The following PYGL variants were observed in gnomAD, a reference collection of about 807,000 sequenced individuals.
PYGL encodes glycogen phosphorylase L.
Under a neutral mutation model 100.1 loss-of-function variants are expected in PYGL, and 90 were observed. The ratio of observed to expected loss-of-function variants is 0.90; its 90% CI spans 0.76 to 1.07. PYGL has a LOEUF of 1.07. Among genes scored for constraint, PYGL ranks in the 50% least tolerant of loss-of-function variants. PYGL has a pLI of 0.00. For synonymous variants in PYGL, 373 were observed against 393.0 expected (o/e 0.95, Z 0.60); for missense variants, 1,016 against 1,057.6 (o/e 0.96, Z 0.55).
rs992370779 is a variant in PYGL at position 50,913,079 on chromosome 14, T to C, written c.1570A>G (p.Ser524Gly). ...AGGAAGACATCATCACCCAGGAAGC[T>C]GTGGAGCTTCGTCAGCTGGCTCAGG... is the stretch of plus-strand genomic sequence containing the variant. ...KDLSQLTKLHSFLGDDVFLRE... is the reference protein window; with the variant it reads ...KDLSQLTKLHGFLGDDVFLRE... The change falls in exon 13 of 20, where the codon AGC becomes GGC. Residue 524 changes from serine (S) to glycine (G), a missense_variant. Transcript: ENST00000216392. The C allele has an allele frequency of 1.2e-6, 2 of 1,614,038 alleles. No homozygotes were observed. Among genetic ancestry groups the C allele is most frequent in the Admixed American group, 3.3e-5 (2 of 60,028 alleles).
chr14:50,911,652 T>C (rs776582543), intron 16 of PYGL, 78 bp downstream of exon 16: 44 of 1,555,624 alleles, frequency 2.8e-5, no homozygotes, highest in Non-Finnish European at 3.9e-5. Context: ...CTCCTGGAGG[T>C]TGGCTGCCCC....
intron 2 of PYGL, among the ~76,000 whole-genome samples, chr14:50,936,502 A>T (rs533592644): frequency 9.8e-5 from 15 of 152,340 alleles, no homozygotes; most frequent in Non-Finnish European, 1.9e-4. Context: ...TTAAATTCTA[A>T]AAACGTAAGT....
chr14:50,916,048 C>G, intron 9 of PYGL, 77 bp from the exon 10 acceptor site: 2 of 1,579,352 alleles, frequency 1.3e-6, no homozygotes, highest in Non-Finnish European at 1.7e-6. Context: ...TTCTTCAACC[C>G]TGCCCTGTCT....
intron 19 of PYGL, among the ~76,000 whole-genome samples, chr14:50,906,072 C>A (rs1040424298): frequency 7.9e-5 from 12 of 152,236 alleles, no homozygotes; most frequent in East Asian, 5.8e-4. Context: ...AAGATACGCA[C>A]CCTAGTAGGC....
chr14:50,915,619 G>A lies in PYGL; in HGVS notation c.1240-120C>T, dbSNP rs566805559. ...CTCAATATAAACTTCACTACCACAG[G>A]GAGGGGTTGAGTTAGCTCTATGGAG... On this transcript the variant is annotated intron_variant, in intron 10 of 19. Coordinates refer to ENST00000216392, the MANE Select transcript of PYGL (RefSeq NM_002863.5). The A allele has an allele frequency of 6.5e-4, 943 of 1,449,986 alleles. 7 individuals carry two copies. Among genetic ancestry groups the A allele is most frequent in the Middle Eastern group, 2.2e-3 (13 of 5,788 alleles). The allele number at this position is 1,449,986 out of a possible 1,614,324, so 89.8% of individuals were successfully genotyped here.
chr14:50,911,601 T>C (rs2050398141), intron 16 of PYGL, 129 bp downstream of exon 16: 2 of 1,243,358 alleles, frequency 1.6e-6, no homozygotes, highest in Non-Finnish European at 2.3e-6. Context: ...CGTAGGCCCT[T>C]ATTCTGCACA....
At chr14:50,941,132 G>A (rs10143053) in intron 1 of PYGL, among the ~76,000 whole-genome samples, 3 of 152,056 alleles carry the variant, frequency 2.0e-5, no homozygotes, top group African/African-American at 4.8e-5. Flanking sequence ...GGCAAGATGC[G>A]TTGCTTTAGG....
chr14:50,905,840 G>A (rs527645298), intron 19 of PYGL, among the ~76,000 whole-genome samples: 17 of 152,340 alleles, frequency 1.1e-4, no homozygotes, highest in African/African-American at 4.1e-4. Flanking sequence ...TGGTTACAAT[G>A]TTTTGGCATG....
rs1423681714 is a variant in PYGL, at chr14:50,905,345, G to A, written c.*47C>T. On this transcript the variant is annotated 3_prime_UTR_variant, in exon 20 of 20. Transcript: ENST00000216392. ...AAAAACCAGTGAATGTTGTAAAAAT[G>A]TTCAAGTTCAGTAAGAAGCTATGTT... 1 of 1,552,916 alleles carries A rather than the reference G, an allele frequency of 6.4e-7. No homozygotes were observed. Among genetic ancestry groups the A allele is most frequent in the Non-Finnish European group, 8.9e-7 (1 of 1,126,082 alleles).
chr14:50,932,608 AAC>A (rs1474489139), intron 3 of PYGL, among the ~76,000 whole-genome samples: 1 of 152,204 alleles, frequency 6.6e-6, no homozygotes, highest in Non-Finnish European at 1.5e-5. Flanking sequence ...GTTATATGAT[AAC>A]ACATGTCCTT....
intron 4 of PYGL, among the ~76,000 whole-genome samples, chr14:50,926,700 T>C (rs2050550367): frequency 9.0e-6 from 1 of 110,668 alleles, no homozygotes; most frequent in South Asian, 3.1e-4. Flanking sequence ...CACTCCAGCC[T>C]GGGAGACAGA....
Position 50,920,620 on chromosome 14 carries a change from TTAAC to T in PYGL, c.773-1_775del, listed in dbSNP as rs761228093. 2 of 1,609,322 alleles carry T rather than the reference TTAAC, an allele frequency of 1.2e-6. No homozygotes were observed. Among genetic ancestry groups the T allele is most frequent in the Admixed American group, 3.3e-5 (2 of 60,010 alleles). On this transcript the variant is annotated splice_acceptor_variant and coding_sequence_variant, in exon 7 of 20. Coordinates refer to ENST00000216392, the MANE Select transcript of PYGL (RefSeq NM_002863.5). LOFTEE classifies it high-confidence loss of function. The stretch of plus-strand genomic sequence containing the variant: ...CACAGCCTGAATGTAGTCTCCAACA[TTAAC>T]TAGGGGAAAGTTAGAGAAACAATAA...
At chr14:50,907,759 CA>C (rs199705432) in intron 19 of PYGL, among the ~76,000 whole-genome samples, 4,180 of 152,180 alleles carry the variant, frequency 0.027, 83 homozygotes, top group African/African-American at 0.056. Flanking sequence ...AAAAAATTTA[CA>C]ACTGGCTGGG....
chr14:50,944,106 G>A, intron 1 of PYGL, 55 bp downstream of exon 1: 1 of 1,547,840 alleles, frequency 6.5e-7, no homozygotes, highest in Non-Finnish European at 8.7e-7. Context: ...CCCGGCCGCG[G>A]CCGGAGACTC....
At chr14:50,930,091 A>G (rs1434722375) in intron 4 of PYGL, among the ~76,000 whole-genome samples, 1 of 152,182 alleles carries the variant, frequency 6.6e-6, no homozygotes, top group African/African-American at 2.4e-5. Flanking sequence ...TATAGGTAAC[A>G]CAATGATTTC....
chr14:50,944,056 G>A (rs960249402), intron 1 of PYGL, 105 bp downstream of exon 1: 8 of 1,404,558 alleles, frequency 5.7e-6, no homozygotes, highest in Non-Finnish European at 7.7e-6. Flanking sequence ...CAAGGACCGG[G>A]TGCAAGGGAC....
chr14:50,914,610 T>C (rs1371797617), intron 12 of PYGL, 91 bp downstream of exon 12: 2 of 1,076,896 alleles, frequency 1.9e-6, no homozygotes, highest in African/African-American at 3.1e-5. Context: ...AAGCCAGCCC[T>C]GCTGCAGACT....
intron 1 of PYGL, among the ~76,000 whole-genome samples, chr14:50,941,736 G>C (rs1346476202): frequency 6.6e-6 from 1 of 152,026 alleles, no homozygotes; most frequent in Non-Finnish European, 1.5e-5. Flanking sequence ...AAAGTAGCTG[G>C]GCATGGTGGC....
At chr14:50,926,951 T>G (rs2050554064) in intron 4 of PYGL, among the ~76,000 whole-genome samples, 1 of 152,140 alleles carries the variant, frequency 6.6e-6, no homozygotes, top group South Asian at 2.1e-4. Context: ...CCTGTTTGCC[T>G]CATTTCAGCA....
Sources: allele counts gnomAD v4.1 joint callset (sites outside exome capture counted in the v4.1 genomes callset), GRCh38; gene constraint gnomAD v4.1.1; transcripts MANE v1.5; gene names NCBI Gene and HGNC (gene_info 2026-07-23, HGNC 2026-07-21).